C14orf39: variants seen among roughly 807,000 people sequenced by gnomAD.
C14orf39 encodes protein SIX6OS1.
In C14orf39, 66 loss-of-function variants were observed where a neutral mutation model predicts 85.6. That is an observed-to-expected ratio of 0.77 (90% confidence interval 0.63 to 0.95). The LOEUF is 0.95. Among genes scored for constraint, C14orf39 ranks in the 40% least tolerant of loss-of-function variants. The probability of loss-of-function intolerance (pLI) is 0.00; values close to 1 mark genes in which losing one functional copy is unlikely to be tolerated. For missense variants in C14orf39, 735 were observed against 663.9 expected (o/e 1.11, Z -1.18); for synonymous variants, 242 against 214.0 (o/e 1.13, Z -1.14).
intron 16 of C14orf39, among the ~76,000 whole-genome samples, chr14:60,442,744 T>C (rs972619856): frequency 7.9e-5 from 12 of 152,150 alleles, no homozygotes; most frequent in Non-Finnish European, 1.3e-4. Context: ...GTTTTTTATA[T>C]AGAAGTCACA....
intron 11 of C14orf39, among the ~76,000 whole-genome samples, chr14:60,464,843 A>T (rs908458702): frequency 7.9e-5 from 12 of 151,968 alleles, no homozygotes; most frequent in African/African-American, 2.9e-4. Context: ...GTGGTTACTA[A>T]TTTGTTCAGA....
intron 2 of C14orf39, among the ~76,000 whole-genome samples, chr14:60,497,954 A>G (rs992299437): frequency 6.6e-6 from 1 of 152,152 alleles, no homozygotes; most frequent in Admixed American, 6.6e-5. Context: ...TACTTATGGT[A>G]GTCTAAGTTG....
intron 17 of C14orf39, among the ~76,000 whole-genome samples, chr14:60,437,348 G>A (rs1036726354): frequency 6.6e-6 from 1 of 151,888 alleles, no homozygotes; most frequent in South Asian, 2.1e-4. Flanking sequence ...TGATACAGAG[G>A]CACAGAAACA....
intron 16 of C14orf39, among the ~76,000 whole-genome samples, chr14:60,453,882 T>TA (rs1891145031): frequency 6.6e-6 from 1 of 151,932 alleles, no homozygotes; most frequent in Non-Finnish European, 1.5e-5. Flanking sequence ...ATCTTTACAA[T>TA]ATTTTTTCCT....
upstream of C14orf39, among the ~76,000 whole-genome samples, chr14:60,487,867 T>A (rs1250234483): frequency 2.6e-5 from 4 of 152,200 alleles, no homozygotes; most frequent in African/African-American, 7.2e-5. Flanking sequence ...GCTATGATTA[T>A]TGACGTTCAG....
intron 16 of C14orf39, among the ~76,000 whole-genome samples, chr14:60,454,058 T>C (rs1268620): frequency 0.37 from 55,965 of 151,606 alleles, 11,373 homozygotes; most frequent in East Asian, 0.69. Flanking sequence ...CTTTCATGCC[T>C]AGCATACTCC....
At chr14:60,447,306 A>C (rs1321828914) in intron 16 of C14orf39, among the ~76,000 whole-genome samples, 1 of 144,358 alleles carries the variant, frequency 6.9e-6, no homozygotes, top group Non-Finnish European at 1.6e-5. Flanking sequence ...AAAGCCCATC[A>C]TCTCAGCCCA....
At chr14:60,439,343 G>T (rs1227347959) in intron 17 of C14orf39, among the ~76,000 whole-genome samples, 1 of 152,090 alleles carries the variant, frequency 6.6e-6, no homozygotes, top group East Asian at 1.9e-4. Flanking sequence ...TGATCTATAG[G>T]TAAGCTGAAA....
chr14:60,504,268 G>A lies in C14orf39; in HGVS notation c.-143-4838C>T, dbSNP rs147302635. ...TCAACTCAAAGAATTTAAGGTATTT[G>A]TTGAAGGCTGATGCCTCTATTTGAC... On this transcript the variant is annotated intron_variant, in intron 1 of 5. Transcript: ENST00000556799. Among the ~76,000 whole-genome samples, 392 of 152,324 alleles carry A rather than the reference G, an allele frequency of 2.6e-3. 1 individual carries two copies. The highest frequency in any genetic ancestry group is 8.6e-3 in the African/African-American group (356 of 41,580).
rs1024905356 is a variant in C14orf39 at position 60,491,732 on chromosome 14, A to C, written c.-8-6646T>G. 6.6e-6 allele frequency among the ~76,000 whole-genome samples: 1 copy of C among 152,120 alleles called. No individual in the cohort carries two copies. The highest frequency in any genetic ancestry group is 1.5e-5 in the Non-Finnish European group (1 of 68,010). ...TACTAACTTCCAAACTGGTTTTGCCACATATCTACTCTAGCCCTCTTGCCC... is the reference window on the plus strand; with the variant it reads ...TACTAACTTCCAAACTGGTTTTGCCCCATATCTACTCTAGCCCTCTTGCCC... On this transcript the variant is annotated intron_variant, in intron 2 of 5. Transcript: ENST00000556799. The surrounding 1 kb of genome is among the most constrained non-coding windows in gnomAD (Gnocchi z 4.5).
In C14orf39 at chr14:60,484,934, A is replaced by G. The variant is rs1566683224; in HGVS notation, c.53T>C (p.Phe18Ser). Residue 18 changes from phenylalanine (F) to serine (S), a missense_variant, in exon 3 of 18, where the codon TTC (phenylalanine) becomes TCC (serine). By Grantham distance (155) the Phe-to-Ser change is radical. Coordinates refer to ENST00000321731, the MANE Select transcript of C14orf39 (RefSeq NM_174978.3). This position sits in a 1 kb window ranked among gnomAD's most constrained non-coding sequence, Gnocchi z 4.2. Reference sequence around the variant, plus strand: ...AGTACTTATGTCTTGCTCATACTGGAAGACTAAAATAAATAATTATCTTGT... The same window carrying G: ...AGTACTTATGTCTTGCTCATACTGGGAGACTAAAATAAATAATTATCTTGT... The part of the protein sequence containing the change: ...SLDRLLLEFV[F>S]QYEQDISTKE... The G allele has an allele frequency of 1.3e-6, 2 of 1,575,478 alleles. No homozygotes were observed. Among genetic ancestry groups the G allele is most frequent in the Non-Finnish European group, 1.7e-6 (2 of 1,159,312 alleles).
chr14:60,444,730 C>G (rs768060207), intron 16 of C14orf39, among the ~76,000 whole-genome samples: 1 of 152,056 alleles, frequency 6.6e-6, no homozygotes, highest in Admixed American at 6.6e-5. Context: ...AAAAGAGCAA[C>G]CCCAAGACAC....
chr14:60,478,402 AT>A lies in C14orf39; in HGVS notation c.234-14del, dbSNP rs1295597292. On this transcript the variant is annotated splice_polypyrimidine_tract_variant and intron_variant, in intron 4 of 17. Transcript: ENST00000321731. ...TGTTGGCTTCCAGCTATAGAAAAAA[AT>A]ATATTTGTAATTAGCAACTCAGAAT... is the stretch of plus-strand genomic sequence containing the variant. 6.8e-7 allele frequency: 1 copy of A among 1,465,742 alleles called. No individual in the cohort carries two copies. 90.8% of individuals were successfully genotyped at this position (1,465,742 alleles called of 1,614,324 possible). A position where few individuals can be genotyped will look rare whatever the true frequency, so the allele number is the denominator to read the frequency against.
chr14:60,468,954 G>A (rs1485929860), intron 8 of C14orf39, among the ~76,000 whole-genome samples: 1 of 151,284 alleles, frequency 6.6e-6, no homozygotes, highest in Non-Finnish European at 1.5e-5. Flanking sequence ...CAAAAATTTA[G>A]AAAATCAGGT....
At chr14:60,442,609 T>C (rs1890573180) in intron 16 of C14orf39, among the ~76,000 whole-genome samples, 1 of 152,228 alleles carries the variant, frequency 6.6e-6, no homozygotes, top group Non-Finnish European at 1.5e-5. Context: ...ATTGTGAGCA[T>C]TTGTCCATGT....
chr14:60,454,686 A>G (rs1891187498), intron 16 of C14orf39, among the ~76,000 whole-genome samples: 1 of 152,020 alleles, frequency 6.6e-6, no homozygotes, highest in African/African-American at 2.4e-5. Flanking sequence ...AACATTTTTT[A>G]TGTTGAGAAT....
At position 60,471,670 on chromosome 14, in the gene C14orf39, TTC is replaced by T. The variant is rs771934201; in HGVS notation, c.391_392del (p.Glu131AsnfsTer6). ...CATAATATTCACGTGAAAAGGGTGT[TTC>T]TGAGTATTTTAGTTGGTACTGCTTC... Reference protein sequence around the residue: ...VLKQYQLKYSETPFSREYYEK... With the variant: ...VLKQYQLKYSXTPFSREYYEK... On this transcript the variant is annotated frameshift_variant, in exon 6 of 18. Coordinates refer to ENST00000321731, the MANE Select transcript of C14orf39 (RefSeq NM_174978.3). LOFTEE classifies it high-confidence loss of function. 6.2e-7 allele frequency: 1 copy of T among 1,607,382 alleles called. No individual in the cohort carries two copies. Among genetic ancestry groups the T allele is most frequent in the South Asian group, 1.1e-5 (1 of 90,158 alleles).
At chr14:60,466,829 C>G in intron 10 of C14orf39, 88 bp downstream of exon 10, 2 of 1,075,118 alleles carry the variant, frequency 1.9e-6, no homozygotes, top group South Asian at 5.0e-5. Flanking sequence ...TTTACTTACA[C>G]CAAATGATAA....
At position 60,467,001 on chromosome 14, in the gene C14orf39, G is replaced by T; in HGVS notation, c.811C>A (p.Gln271Lys). The part of the protein sequence containing the change: ...DEHVLTLNKT[Q>K]SSQLFLPYES... ...TAAGGAAGAAATAATTGACTGCTTT[G>T]AGTTTTATTCAATGTAAGTACATGC... The change falls in exon 10 of 18, where the codon CAA (glutamine) becomes AAA (lysine). Residue 271 changes from glutamine (Q) to lysine (K), a missense_variant. Coordinates refer to ENST00000321731, the MANE Select transcript of C14orf39 (RefSeq NM_174978.3). 6.9e-7 allele frequency: 1 copy of T among 1,459,808 alleles called. No individual in the cohort carries two copies. The highest frequency in any genetic ancestry group is 1.5e-5 in the South Asian group (1 of 66,228). 90.4% of individuals were successfully genotyped at this position (1,459,808 alleles called of 1,614,324 possible). A position where few individuals can be genotyped will look rare whatever the true frequency, so the allele number is the denominator to read the frequency against.
Sources: gnomAD v4.1 joint callset for allele counts (sites outside exome capture counted in the v4.1 genomes callset) on GRCh38, gnomAD v4.1.1 for gene constraint, Gnocchi (gnomAD v3.1) non-coding constraint, MANE v1.5 for transcripts, NCBI Gene and HGNC (gene_info 2026-07-23, HGNC 2026-07-21) for gene names.